The following HMCES variants were observed in gnomAD, a reference collection of about 807,000 sequenced individuals.
The protein encoded by HMCES is abasic site processing protein HMCES.
A neutral mutation model predicts 35.1 loss-of-function variants in HMCES; 27 were observed. The ratio of observed to expected loss-of-function variants is 0.77; its 90% CI spans 0.57 to 1.06. The LOEUF (loss-of-function observed/expected upper bound fraction) is 1.06, where lower values mean the gene tolerates loss of function less well. Among genes scored for constraint, HMCES ranks in the 50% least tolerant of loss-of-function variants. The pLI is 0.00. For missense variants in HMCES, 391 were observed against 430.4 expected (o/e 0.91, Z 0.81); for synonymous variants, 130 against 154.7 (o/e 0.84, Z 1.18).
intron 5 of HMCES, among the ~76,000 whole-genome samples, chr3:129,298,940 C>G (rs776913263): frequency 3.3e-5 from 5 of 152,052 alleles, no homozygotes; most frequent in Admixed American, 3.3e-4. Context: ...GTCAGGAGAT[C>G]GAGACCATCC....
chr3:129,285,922 G>T (rs1192894052), intron 2 of HMCES, among the ~76,000 whole-genome samples: 3 of 151,922 alleles, frequency 2.0e-5, no homozygotes, highest in Admixed American at 2.0e-4. Flanking sequence ...GAAAGATGGG[G>T]TTTTGCCACG....
intron 2 of HMCES, among the ~76,000 whole-genome samples, chr3:129,282,032 T>C (rs191149141): frequency 1.1e-4 from 17 of 152,278 alleles, no homozygotes; most frequent in Admixed American, 3.9e-4. Flanking sequence ...TACTTCCCTA[T>C]TGAAACTTTT....
intron 6 of HMCES, among the ~76,000 whole-genome samples, chr3:129,302,416 A>G (rs1008448167): frequency 2.0e-5 from 3 of 152,314 alleles, no homozygotes; most frequent in East Asian, 3.9e-4. Context: ...GGACTTTTGT[A>G]TAATTAAGAA....
chr3:129,301,538 C>T (rs973873963), intron 5 of HMCES, among the ~76,000 whole-genome samples: 6 of 152,164 alleles, frequency 3.9e-5, no homozygotes, highest in South Asian at 2.1e-4. Context: ...GCTTTTCTGA[C>T]GCATGGCTTC....
chr3:129,288,962 C>T lies in HMCES; in HGVS notation c.292C>T (p.Arg98Cys), dbSNP rs1415931820. ...GCTGCAGTTCAATACTACCAACTGT[C>T]GTAGTGATACCGTAATGGAGAAACG... is the stretch of plus-strand genomic sequence containing the variant. ...SKLQFNTTNCRSDTVMEKRSF... is the reference protein window; with the variant it reads ...SKLQFNTTNCCSDTVMEKRSF... Residue 98 changes from arginine to cysteine, a missense_variant, in exon 3 of 7, where the codon CGT (arginine) becomes TGT (cysteine). Physicochemically the swap from Arg to Cys is radical, Grantham distance 180 (BLOSUM62 -3). Coordinates refer to ENST00000383463, the MANE Select transcript of HMCES (RefSeq NM_020187.3). The T allele has an allele frequency of 8.8e-6, 14 of 1,589,840 alleles. No individual in the cohort carries two copies. The highest frequency in any genetic ancestry group is 2.7e-5 in the African/African-American group (2 of 74,622).
At chr3:129,304,498 C>T in intron 6 of HMCES, 91 bp from the exon 7 acceptor site, 1 of 1,081,770 alleles carries the variant, frequency 9.2e-7, no homozygotes, top group Non-Finnish European at 1.4e-6. Flanking sequence ...GGGTAAGTAC[C>T]TAATGCCTCT....
At chr3:129,292,811 T>C (rs1203486179) in intron 4 of HMCES, among the ~76,000 whole-genome samples, 1 of 152,050 alleles carries the variant, frequency 6.6e-6, no homozygotes, top group Non-Finnish European at 1.5e-5. Context: ...TCAAGTCGAC[T>C]AACAAGAAGA....
intron 4 of HMCES, among the ~76,000 whole-genome samples, chr3:129,292,893 G>A (rs2071041796): frequency 6.6e-6 from 1 of 152,148 alleles, no homozygotes; most frequent in South Asian, 2.1e-4. Context: ...TGTTTAGGGA[G>A]TGGATTCTGG....
rs1169320145 is a variant in HMCES at position 129,279,742 on chromosome 3, C to T, written c.10C>T (p.Arg4Ter). The change falls in exon 2 of 7, where the codon CGA (arginine) becomes TGA (stop). Residue 4 changes from arginine (R) to a stop codon, truncating the protein, a stop_gained. Transcript: ENST00000383463. LOFTEE classifies it high-confidence loss of function. This position sits in a 1 kb window ranked among gnomAD's most constrained non-coding sequence, Gnocchi z 4.2. ...GGGGCGGTGTTGAAGAATGTGTGGG[C>T]GAACATCCTGTCACTTACCTAGAGA... MCG[R>*]TSCHLPRDVL... 4 of 1,612,466 alleles carry T rather than the reference C, an allele frequency of 2.5e-6. No individual in the cohort carries two copies. The highest frequency in any genetic ancestry group is 3.4e-6 in the Non-Finnish European group (4 of 1,179,474).
In HMCES at chr3:129,305,071, G is replaced by A; in HGVS notation, c.*246G>A. On this transcript the variant is annotated 3_prime_UTR_variant, in exon 7 of 7. Coordinates refer to ENST00000383463, the MANE Select transcript of HMCES (RefSeq NM_020187.3). ...GCCCCATAGGGGCACTGCGCCTGCT[G>A]CCCTTTCCTGGCAGGGCTGGTGGAG... 1.9e-6 allele frequency: 1 copy of A among 540,106 alleles called. No homozygotes were observed. The highest frequency in any genetic ancestry group is 3.4e-5 in the Admixed American group (1 of 29,540). The allele number at this position is 540,106 out of a possible 1,614,324, so 33.5% of individuals were successfully genotyped here.
chr3:129,282,295 C>CAAAAAAAA (rs201242976), intron 2 of HMCES, among the ~76,000 whole-genome samples: 13 of 91,062 alleles, frequency 1.4e-4, no homozygotes, highest in African/African-American at 4.2e-4. Flanking sequence ...CTGTTTTTAA[C>CAAAAAAAA]AAAAAAAAAA....
Position 129,279,857 on chromosome 3 carries a change from A to C in HMCES, c.125A>C (p.Tyr42Ser), listed in dbSNP as rs1424958139. The C allele has an allele frequency of 6.2e-7, 1 of 1,610,934 alleles. No individual in the cohort carries two copies. The highest frequency in any genetic ancestry group is 8.5e-7 in the Non-Finnish European group (1 of 1,179,044). The part of the protein sequence containing the change: ...WRDPDKYCPS[Y>S]NKSPQSNSPV... ...GACCCTGATAAGTACTGCCCCTCTT[A>C]CAACAAGAGTCCTCAATCCAACAGC... Residue 42 changes from tyrosine (Y) to serine (S), a missense_variant, in exon 2 of 7, where the codon TAC becomes TCC. Transcript: ENST00000383463. This position sits in a 1 kb window ranked among gnomAD's most constrained non-coding sequence, Gnocchi z 4.2.
At chr3:129,302,479 C>T (rs1268294213) in intron 6 of HMCES, among the ~76,000 whole-genome samples, 1 of 151,776 alleles carries the variant, frequency 6.6e-6, no homozygotes, top group African/African-American at 2.4e-5. Context: ...CTTTGGGAGG[C>T]CGAGGCAAGT....
At chr3:129,292,031 G>A (rs889845479) in intron 4 of HMCES, among the ~76,000 whole-genome samples, 3 of 151,994 alleles carry the variant, frequency 2.0e-5, no homozygotes, top group South Asian at 2.1e-4. Context: ...AGCTGAGGTC[G>A]TGCTACTGTA....
At chr3:129,298,565 A>G (rs2071122246) in intron 5 of HMCES, 30 bp downstream of exon 5, 3 of 1,579,532 alleles carry the variant, frequency 1.9e-6, no homozygotes, top group Non-Finnish European at 2.6e-6. Context: ...CCTGGATCCA[A>G]AAGGATCCAA....
chr3:129,288,239 C>T (rs1236001270), intron 2 of HMCES, among the ~76,000 whole-genome samples: 1 of 152,038 alleles, frequency 6.6e-6, no homozygotes, highest in East Asian at 1.9e-4. Flanking sequence ...TGTGCCACTG[C>T]ACTCCAGCCT....
intron 2 of HMCES, among the ~76,000 whole-genome samples, chr3:129,288,556 AT>A (rs1325511449): frequency 1.5e-5 from 2 of 133,280 alleles, no homozygotes. Flanking sequence ...TTAGCTGGGT[AT>A]GGGGGGGCGT....
At chr3:129,302,963 C>A (rs1463537753) in intron 6 of HMCES, among the ~76,000 whole-genome samples, 1 of 152,054 alleles carries the variant, frequency 6.6e-6, no homozygotes, top group Non-Finnish European at 1.5e-5. Context: ...CATATTGTTT[C>A]TCCGTCCCCA....
intron 2 of HMCES, among the ~76,000 whole-genome samples, chr3:129,285,278 A>G (rs887444270): frequency 5.9e-5 from 9 of 152,126 alleles, no homozygotes; most frequent in Non-Finnish European, 1.2e-4. Context: ...CTTACCTTAG[A>G]AAAATACTAT....
Sources: allele counts gnomAD v4.1 joint callset (sites outside exome capture counted in the v4.1 genomes callset), GRCh38; gene constraint gnomAD v4.1.1; non-coding constraint Gnocchi (gnomAD v3.1); transcripts MANE v1.5; gene names NCBI Gene and HGNC (gene_info 2026-07-23, HGNC 2026-07-21).